Variants in DOCK10 observed in about 807,000 individuals in gnomAD.
DOCK10 encodes dedicator of cytokinesis 10.
Under a neutral mutation model 280.1 loss-of-function variants are expected in DOCK10, and 145 were observed. The ratio of observed to expected loss-of-function variants is 0.52; its 90% CI spans 0.45 to 0.59. The LOEUF (loss-of-function observed/expected upper bound fraction) is 0.59, where lower values mean the gene tolerates loss of function less well. Among genes scored for constraint, DOCK10 ranks in the 20% least tolerant of loss-of-function variants. DOCK10 has a pLI of 0.00. For synonymous variants in DOCK10, 915 were observed against 942.2 expected (o/e 0.97, Z 0.53); for missense variants, 2,368 against 2,651.7 (o/e 0.89, Z 2.35).
At chr2:224,960,029 C>T (rs1046820405) in intron 1 of DOCK10, among the ~76,000 whole-genome samples, 11 of 152,190 alleles carry the variant, frequency 7.2e-5, no homozygotes, top group African/African-American at 1.4e-4. Context: ...TTCCAGAGCA[C>T]ATCAAACAAG....
At chr2:225,035,883 T>A (rs1485128570) in intron 1 of DOCK10, among the ~76,000 whole-genome samples, 2 of 151,370 alleles carry the variant, frequency 1.3e-5, no homozygotes, top group African/African-American at 2.4e-5. Context: ...CTCTCTCTCT[T>A]CTTCTTCTTT....
chr2:224,809,826 C>G (rs79344484), intron 31 of DOCK10, among the ~76,000 whole-genome samples: 3,926 of 152,036 alleles, frequency 0.026, 83 homozygotes, highest in Non-Finnish European at 0.035. Context: ...TATGATCTAG[C>G]AATCCAACTT....
chr2:224,963,208 A>G (rs72974671), intron 1 of DOCK10, among the ~76,000 whole-genome samples: 8,464 of 152,124 alleles, frequency 0.056, 258 homozygotes, highest in Middle Eastern at 0.11. Context: ...GGAGTCTGGA[A>G]CCCTTAAGGG....
intron 2 of DOCK10, among the ~76,000 whole-genome samples, chr2:224,924,432 T>A (rs1366385643): frequency 2.6e-5 from 4 of 152,220 alleles, no homozygotes. Flanking sequence ...TTTTGAACAT[T>A]TCCTATACGT....
At chr2:225,017,707 A>AAAC (rs994024583) in intron 1 of DOCK10, among the ~76,000 whole-genome samples, 21 of 135,086 alleles carry the variant, frequency 1.6e-4, no homozygotes, top group Non-Finnish European at 2.1e-4. Flanking sequence ...TACTGTTCCA[A>AAAC]AAAAAAAAAA....
At chr2:225,005,992 G>T (rs2126291203) in intron 1 of DOCK10, among the ~76,000 whole-genome samples, 1 of 152,316 alleles carries the variant, frequency 6.6e-6, no homozygotes, top group South Asian at 2.1e-4. Context: ...ACATCTTGGA[G>T]GTTTTTATTA....
At chr2:224,976,110 T>A (rs1460322256) in intron 1 of DOCK10, among the ~76,000 whole-genome samples, 1 of 152,264 alleles carries the variant, frequency 6.6e-6, no homozygotes, top group Admixed American at 6.5e-5. Flanking sequence ...TAGTTTACAA[T>A]GTGATTCTAC....
chr2:224,964,837 C>G (rs1418087558), intron 1 of DOCK10, among the ~76,000 whole-genome samples: 1 of 152,132 alleles, frequency 6.6e-6, no homozygotes, highest in Non-Finnish European at 1.5e-5. Context: ...GAGAACAGCC[C>G]GGCTATAAGA....
At chr2:224,775,498 C>G (rs1559371716) in intron 51 of DOCK10, among the ~76,000 whole-genome samples, 3 of 151,384 alleles carry the variant, frequency 2.0e-5, no homozygotes, top group African/African-American at 7.3e-5. Flanking sequence ...TTTTTTGAGA[C>G]AGGGTCTTGC....
intron 18 of DOCK10, among the ~76,000 whole-genome samples, chr2:224,850,523 C>T (rs1187729520): frequency 6.6e-6 from 1 of 152,196 alleles, no homozygotes; most frequent in Non-Finnish European, 1.5e-5. Flanking sequence ...TGGGTATCAC[C>T]TGGACCAATC....
chr2:224,800,095 GT>G, intron 41 of DOCK10, 55 bp downstream of exon 41: 1 of 1,069,062 alleles, frequency 9.4e-7, no homozygotes, highest in Non-Finnish European at 1.4e-6. Flanking sequence ...ACTTCACATG[GT>G]TTTTCTACCT....
intron 2 of DOCK10, among the ~76,000 whole-genome samples, chr2:224,920,254 T>G (rs1701626246): frequency 1.0e-5 from 1 of 97,156 alleles, no homozygotes; most frequent in Non-Finnish European, 2.1e-5. Context: ...TTTTTTTTTT[T>G]GTAGAGACAG....
chr2:224,884,328 G>A (rs1001342250), intron 7 of DOCK10, among the ~76,000 whole-genome samples: 5 of 152,170 alleles, frequency 3.3e-5, no homozygotes, highest in Middle Eastern at 3.2e-3. Context: ...GGTCTGTGAT[G>A]TAATTTCAGC....
At chr2:224,803,733 C>T (rs1287494070) in intron 39 of DOCK10, among the ~76,000 whole-genome samples, 1 of 152,050 alleles carries the variant, frequency 6.6e-6, no homozygotes, top group Non-Finnish European at 1.5e-5. Flanking sequence ...GACATGATTC[C>T]ACATTTCCGT....
intron 11 of DOCK10, 33 bp from the exon 12 acceptor site, chr2:224,865,120 T>C (rs372107239): frequency 5.6e-6 from 9 of 1,595,618 alleles, no homozygotes; most frequent in Non-Finnish European, 6.0e-6. Flanking sequence ...ATGTTTTTGA[T>C]ATAAAATCAT....
rs530839951 is a variant in DOCK10, at chr2:224,916,833, G to A, written c.244-49C>T. ...TTGAGTCCTCCGGCTTAGAAGTGTC[G>A]AGCAGACCAGCACACTGAACACACA... On this transcript the variant is annotated intron_variant, in intron 2 of 55. Transcript: ENST00000258390. 1.3e-5 allele frequency: 18 copies of A among 1,403,350 alleles called. 1 individual carries two copies. Among genetic ancestry groups the A allele is most frequent in the South Asian group, 9.7e-5 (8 of 82,216 alleles). The allele number at this position is 1,403,350 out of a possible 1,614,324, so 86.9% of individuals were successfully genotyped here.
intron 14 of DOCK10, among the ~76,000 whole-genome samples, chr2:224,858,538 TC>T (rs1697294681): frequency 6.6e-6 from 1 of 152,058 alleles, no homozygotes; most frequent in African/African-American, 2.4e-5. Context: ...GCACCTGTAA[TC>T]CCAACTAGTT....
intron 1 of DOCK10, among the ~76,000 whole-genome samples, chr2:224,961,468 T>TTC (rs10672849): frequency 0.065 from 4,320 of 66,366 alleles, 131 homozygotes; most frequent in East Asian, 0.081. Flanking sequence ...CTTTCTTTCT[T>TTC]TTTCTTTCTT....
chr2:224,829,567 G>C (rs1210523682), intron 27 of DOCK10, among the ~76,000 whole-genome samples: 3 of 152,218 alleles, frequency 2.0e-5, no homozygotes, highest in African/African-American at 7.2e-5. Flanking sequence ...TGGGGGCTCA[G>C]AGAAATGTGT....
Sources: allele counts gnomAD v4.1 joint callset (sites outside exome capture counted in the v4.1 genomes callset), GRCh38; gene constraint gnomAD v4.1.1; transcripts MANE v1.5; gene names NCBI Gene and HGNC (gene_info 2026-07-23, HGNC 2026-07-21).